DRC11: variants seen among roughly 807,000 people sequenced by gnomAD.
DRC11 encodes the protein dynein regulatory complex subunit 11.
chr2:236,367,902 C>T, the DRC11 span: 12 of 407,836 alleles, frequency 2.9e-5, no homozygotes, highest in Non-Finnish European at 4.6e-5. This position sits in a 1 kb window ranked among gnomAD's most constrained non-coding sequence, Gnocchi z 4.8. Context: ...TTTGATTAAT[C>T]GTAATTGCAG....
the DRC11 span, among the ~76,000 whole-genome samples, chr2:236,317,208 A>G: frequency 6.6e-6 from 1 of 152,094 alleles, no homozygotes; most frequent in Non-Finnish European, 1.5e-5. The surrounding 1 kb of genome is among the most constrained non-coding windows in gnomAD (Gnocchi z 5.4). Context: ...AGGCAGGGGA[A>G]TCACTTGAAC....
chr2:236,440,256 T>C, the DRC11 span, among the ~76,000 whole-genome samples: 1 of 152,154 alleles, frequency 6.6e-6, no homozygotes, highest in Non-Finnish European at 1.5e-5. Flanking sequence ...GTAGGGTAAA[T>C]GTCAAATGAA....
the DRC11 span, among the ~76,000 whole-genome samples, chr2:236,337,408 T>G: frequency 1.3e-5 from 2 of 152,162 alleles, no homozygotes; most frequent in Non-Finnish European, 2.9e-5. This position sits in a 1 kb window ranked among gnomAD's most constrained non-coding sequence, Gnocchi z 4.9. Context: ...CCACTGCCAC[T>G]GCCGCCAACA....
the DRC11 span, among the ~76,000 whole-genome samples, chr2:236,491,168 TATATATATATATAC>T: frequency 1.3e-5 from 1 of 79,006 alleles, no homozygotes; most frequent in African/African-American, 6.3e-5. Flanking sequence ...AGTATATATA[TATATATATATATAC>T]ACACAGTATA....
chr2:236,506,074 G>A, the DRC11 span, among the ~76,000 whole-genome samples: 1 of 152,186 alleles, frequency 6.6e-6, no homozygotes, highest in African/African-American at 2.4e-5. This position sits in a 1 kb window ranked among gnomAD's most constrained non-coding sequence, Gnocchi z 4.9. Context: ...TCAACAGTCA[G>A]TTCTCAGTTC....
chr2:236,425,415 A>T, the DRC11 span, among the ~76,000 whole-genome samples: 1 of 151,982 alleles, frequency 6.6e-6, no homozygotes, highest in Non-Finnish European at 1.5e-5. Context: ...GCATTTTTCC[A>T]TATACATGTT....
chr2:236,310,471 CTGTGTA>C, the DRC11 span, among the ~76,000 whole-genome samples: 2 of 152,176 alleles, frequency 1.3e-5, no homozygotes, highest in African/African-American at 4.8e-5. This position sits in a 1 kb window ranked among gnomAD's most constrained non-coding sequence, Gnocchi z 5.5. Context: ...ATCCTTTCCC[CTGTGTA>C]TGTGTGAGTA....
At chr2:236,444,800 A>G in the DRC11 span, among the ~76,000 whole-genome samples, 281 of 152,336 alleles carry the variant, frequency 1.8e-3, 4 homozygotes, top group Admixed American at 0.014. Context: ...CAACCAACAA[A>G]TATCTGTCTA....
chr2:236,470,313 G>A, the DRC11 span, among the ~76,000 whole-genome samples: 25 of 152,274 alleles, frequency 1.6e-4, no homozygotes, highest in Middle Eastern at 3.4e-3. This position sits in a 1 kb window ranked among gnomAD's most constrained non-coding sequence, Gnocchi z 5.1. Flanking sequence ...TCTTCGTGGC[G>A]CTTTGTTGTT....
At chr2:236,421,092 T>C in the DRC11 span, among the ~76,000 whole-genome samples, 14 of 152,256 alleles carry the variant, frequency 9.2e-5, no homozygotes, top group Non-Finnish European at 2.1e-4. Flanking sequence ...TACCCAGTAG[T>C]AATTCAGGAG....
At chr2:236,388,128 C>T in the DRC11 span, among the ~76,000 whole-genome samples, 167 of 152,222 alleles carry the variant, frequency 1.1e-3, no homozygotes, top group African/African-American at 9.9e-4. Flanking sequence ...GTGAATCTCA[C>T]GATTATGTGT....
chr2:236,318,406 C>T, the DRC11 span, among the ~76,000 whole-genome samples: 1 of 152,124 alleles, frequency 6.6e-6, no homozygotes, highest in African/African-American at 2.4e-5. This position sits in a 1 kb window ranked among gnomAD's most constrained non-coding sequence, Gnocchi z 7.0. Context: ...TGTGGGACTG[C>T]ACGCATGCCT....
At chr2:236,406,815 G>A in the DRC11 span, among the ~76,000 whole-genome samples, 2 of 150,512 alleles carry the variant, frequency 1.3e-5, no homozygotes, top group African/African-American at 2.5e-5. This position sits in a 1 kb window ranked among gnomAD's most constrained non-coding sequence, Gnocchi z 4.7. Context: ...GCACAATCTC[G>A]GCTCACTGCA....
At chr2:236,348,163 G>C in the DRC11 span, among the ~76,000 whole-genome samples, 2 of 152,202 alleles carry the variant, frequency 1.3e-5, no homozygotes, top group Non-Finnish European at 2.9e-5. This position sits in a 1 kb window ranked among gnomAD's most constrained non-coding sequence, Gnocchi z 7.4. Context: ...TAAACATTCT[G>C]TGCTTCTACA....
the DRC11 span, among the ~76,000 whole-genome samples, chr2:236,501,483 C>G: frequency 1.3e-5 from 2 of 152,150 alleles, no homozygotes; most frequent in Non-Finnish European, 2.9e-5. Flanking sequence ...TCCTGGGACC[C>G]TCTGACATTC....
At chr2:236,439,881 T>C in the DRC11 span, among the ~76,000 whole-genome samples, 1 of 152,206 alleles carries the variant, frequency 6.6e-6, no homozygotes, top group Non-Finnish European at 1.5e-5. Flanking sequence ...TATGTTCTCA[T>C]GGCTGTAAAA....
At chr2:236,355,610 C>T in the DRC11 span, among the ~76,000 whole-genome samples, 4 of 152,122 alleles carry the variant, frequency 2.6e-5, no homozygotes, top group Admixed American at 1.3e-4. Context: ...CTTTCCTCTC[C>T]CCCTCCTTTT....
the DRC11 span, among the ~76,000 whole-genome samples, chr2:236,443,007 G>A: frequency 6.6e-6 from 1 of 152,152 alleles, no homozygotes; most frequent in African/African-American, 2.4e-5. The surrounding 1 kb of genome is among the most constrained non-coding windows in gnomAD (Gnocchi z 4.4). Context: ...CCTCACAGGT[G>A]TTTCTTGGAG....
chr2:236,442,547 CT>C, the DRC11 span, among the ~76,000 whole-genome samples: 6 of 152,182 alleles, frequency 3.9e-5, no homozygotes, highest in Admixed American at 6.5e-5. Flanking sequence ...AACTTTCCCC[CT>C]ATCTGTCACA....
Sources: allele counts gnomAD v4.1 joint callset (sites outside exome capture counted in the v4.1 genomes callset), GRCh38; gene constraint gnomAD v4.1.1; non-coding constraint Gnocchi (gnomAD v3.1); transcripts MANE v1.5; gene names NCBI Gene and HGNC (gene_info 2026-07-23, HGNC 2026-07-21).